The following TTC38 variants were observed in gnomAD, a reference collection of about 807,000 sequenced individuals.
TTC38 encodes the protein tetratricopeptide repeat protein 38.
A neutral mutation model predicts 64.2 loss-of-function variants in TTC38; 64 were observed. The observed-to-expected ratio is 1.00, with a 90% CI of 0.81 to 1.23. The LOEUF (loss-of-function observed/expected upper bound fraction) is 1.23, where lower values mean the gene tolerates loss of function less well. TTC38 is among the 50% of genes most tolerant of loss of function. The pLI, the probability that TTC38 is intolerant of heterozygous loss-of-function variation, is 0.00. For missense variants in TTC38, 573 were observed against 615.5 expected, an observed-to-expected ratio of 0.93 and a Z score of 0.73; for synonymous variants, 254 against 249.3, an observed-to-expected ratio of 1.02 and a Z score of -0.18.
Position 46,292,732 on chromosome 22 carries a change from C to T in TTC38, c.1317-59C>T, listed in dbSNP as rs952079236. 4 of 1,465,960 alleles carry T rather than the reference C, an allele frequency of 2.7e-6. No individual in the cohort carries two copies. Among genetic ancestry groups the T allele is most frequent in the African/African-American group, 2.8e-5 (2 of 72,030 alleles). 90.8% of individuals were successfully genotyped at this position (1,465,960 alleles called of 1,614,324 possible). A position where few individuals can be genotyped will look rare whatever the true frequency, so the allele number is the denominator to read the frequency against. On this transcript the variant is annotated intron_variant, in intron 13 of 13. Transcript: ENST00000381031. The surrounding 1 kb of genome is among the most constrained non-coding windows in gnomAD (Gnocchi z 6.5). ...GTTCTGCCTTGGGACCAAGGGACCA[C>T]CAGGCCCCACATCCCTCTAGAAGGT...
Position 46,282,879 on chromosome 22 carries a change from G to T in TTC38, c.736-1094G>T, listed in dbSNP as rs1220686972. On this transcript the variant is annotated intron_variant, in intron 7 of 13. Transcript: ENST00000381031. This position sits in a 1 kb window ranked among gnomAD's most constrained non-coding sequence, Gnocchi z 4.4. ...CCACTCCCCTGGCTCTCGGGGCTTT[G>T]CCAGCACCTGTTGGAGTGTGGCCCT... Among the ~76,000 whole-genome samples, 1 of 152,158 alleles carries T rather than the reference G, an allele frequency of 6.6e-6. No individual in the cohort carries two copies. The highest frequency in any genetic ancestry group is 1.5e-5 in the Non-Finnish European group (1 of 68,018).
chr22:46,291,028 G>A lies in TTC38; in HGVS notation c.1316+1129G>A, dbSNP rs761650533. Among the ~76,000 whole-genome samples, 1 of 152,188 alleles carries A rather than the reference G, an allele frequency of 6.6e-6. No homozygotes were observed. Among genetic ancestry groups the A allele is most frequent in the Non-Finnish European group, 1.5e-5 (1 of 68,032 alleles). ...TGGTGACAAGCCCAGTGGTTTAGGC[G>A]CAGGTGCACCAGCGCAGCTCCCTCC... On this transcript the variant is annotated intron_variant, in intron 13 of 13. Coordinates refer to ENST00000381031, the MANE Select transcript of TTC38 (RefSeq NM_017931.4). This position sits in a 1 kb window ranked among gnomAD's most constrained non-coding sequence, Gnocchi z 4.6.
rs932556887 is a variant in TTC38 at position 46,291,920 on chromosome 22, C to T, written c.1317-871C>T. Among the ~76,000 whole-genome samples, 1 of 152,146 alleles carries T rather than the reference C, an allele frequency of 6.6e-6. No homozygotes were observed. Among genetic ancestry groups the T allele is most frequent in the African/African-American group, 2.4e-5 (1 of 41,414 alleles). On this transcript the variant is annotated intron_variant, in intron 13 of 13. Transcript: ENST00000381031. The surrounding 1 kb of genome is among the most constrained non-coding windows in gnomAD (Gnocchi z 4.6). ...GCAGTGAGCCGAGATCGCGTCATTG[C>T]ACTCCAGCCTGAGTGACCGAGGGAG...
Position 46,288,484 on chromosome 22 carries a change from C to T in TTC38, c.978C>T (p.Asp326=), listed in dbSNP as rs2077587429. The change falls in exon 11 of 14, where the codon GAC becomes GAT. Residue 326 remains aspartate (D), a synonymous_variant. Transcript: ENST00000381031. ...VLPVARKHSR[D]HILLFNDAHF... is the part of the protein sequence containing the mutation. ...CTGTGGCCCGGAAGCACAGCCGAGACCACATCCTGCTGTTCAATGACGCAC... is the reference window on the plus strand; with the variant it reads ...CTGTGGCCCGGAAGCACAGCCGAGATCACATCCTGCTGTTCAATGACGCAC... The T allele has an allele frequency of 6.2e-7, 1 of 1,614,034 alleles. No homozygotes were observed. Among genetic ancestry groups the T allele is most frequent in the Non-Finnish European group, 8.5e-7 (1 of 1,179,920 alleles).
chr22:46,271,550 C>CAGTG lies in TTC38; in HGVS notation c.112-784_112-781dup, dbSNP rs937585533. On this transcript the variant is annotated intron_variant, in intron 2 of 13. Transcript: ENST00000381031. This position sits in a 1 kb window ranked among gnomAD's most constrained non-coding sequence, Gnocchi z 5.5. ...TTTCTCTGTCACCCAGGCTGGGGTG[C>CAGTG]AGTGGCACGATCTCAGCTCACTGCA... Among the ~76,000 whole-genome samples, 1 of 152,148 alleles carries CAGTG rather than the reference C, an allele frequency of 6.6e-6. No homozygotes were observed. The highest frequency in any genetic ancestry group is 2.4e-5 in the African/African-American group (1 of 41,434).
chr22:46,285,715 A>C (rs1323599332), intron 9 of TTC38, among the ~76,000 whole-genome samples: 1 of 151,850 alleles, frequency 6.6e-6, no homozygotes, highest in Non-Finnish European at 1.5e-5. Flanking sequence ...AAAATAACAT[A>C]AAATTACGTG....
chr22:46,269,123 A>T (rs1276747543), intron 2 of TTC38: 2 of 434,894 alleles, frequency 4.6e-6, no homozygotes, highest in Non-Finnish European at 9.4e-6. Flanking sequence ...GGGCCTCTGC[A>T]CTCTCCCTTC....
At chr22:46,283,486 C>CTT (rs1279723699) in intron 7 of TTC38, among the ~76,000 whole-genome samples, 1 of 152,142 alleles carries the variant, frequency 6.6e-6, no homozygotes, top group African/African-American at 2.4e-5. Context: ...TCTTCACCGC[C>CTT]CTTCGGAATG....
chr22:46,292,962 GGTCAGGAGACGGCCAGA>G lies in TTC38; in HGVS notation c.*80_*96del. The stretch of plus-strand genomic sequence containing the variant: ...CCAGTCAGCTGCTCCACCGGGTTAG[GGTCAGGAGACGGCCAGA>G]GCCTGTTTGTTAGGGCTGTTAGAGG... On this transcript the variant is annotated 3_prime_UTR_variant, in exon 14 of 14. Coordinates refer to ENST00000381031, the MANE Select transcript of TTC38 (RefSeq NM_017931.4). This position sits in a 1 kb window ranked among gnomAD's most constrained non-coding sequence, Gnocchi z 6.5. 1 of 1,192,030 alleles carries G rather than the reference GGTCAGGAGACGGCCAGA, an allele frequency of 8.4e-7. No individual in the cohort carries two copies. The highest frequency in any genetic ancestry group is 1.2e-6 in the Non-Finnish European group (1 of 805,664). The allele number at this position is 1,192,030 out of a possible 1,614,324, so 73.8% of individuals were successfully genotyped here.
At chr22:46,286,190 G>GA (rs201636422) in intron 9 of TTC38, among the ~76,000 whole-genome samples, 34 of 146,378 alleles carry the variant, frequency 2.3e-4, no homozygotes, top group East Asian at 7.9e-4. Context: ...TTGAGAGGGG[G>GA]AAAAAAAAAA....
At position 46,268,106 on chromosome 22, in the gene TTC38, C is replaced by T. The variant is rs1936801635; in HGVS notation, c.33+34C>T. 9 of 1,529,334 alleles carry T rather than the reference C, an allele frequency of 5.9e-6. No individual in the cohort carries two copies. In the East Asian group the frequency reaches 1.5e-4, roughly 26 times the overall value. The allele number at this position is 1,529,334 out of a possible 1,614,324, so 94.7% of individuals were successfully genotyped here. On this transcript the variant is annotated intron_variant, in intron 1 of 13. Coordinates refer to ENST00000381031, the MANE Select transcript of TTC38 (RefSeq NM_017931.4). ...AGGCTGCCCCCAACCAGGTCCCCCT[C>T]GGGCCCCGGGTCCTGGGGGTGGCCC...
rs907620718 is a variant in TTC38 at position 46,271,217 on chromosome 22, C to T, written c.112-1118C>T. The stretch of plus-strand genomic sequence containing the variant: ...GGAGCAGGTCACCTGTCAGGAGGAA[C>T]CTGCCTTTTCTTTCTTTTCTTTTTT... On this transcript the variant is annotated intron_variant, in intron 2 of 13. Transcript: ENST00000381031. The surrounding 1 kb of genome is among the most constrained non-coding windows in gnomAD (Gnocchi z 5.5). Among the ~76,000 whole-genome samples the T allele has an allele frequency of 6.6e-6, 1 of 152,088 alleles. No individual in the cohort carries two copies.
At chr22:46,268,751 T>G in intron 2 of TTC38, 160 bp downstream of exon 2, 1 of 650,706 alleles carries the variant, frequency 1.5e-6, no homozygotes, top group Non-Finnish European at 2.6e-6. Flanking sequence ...GTGGCGCTAT[T>G]TCGGCTCACT....
intron 6 of TTC38, among the ~76,000 whole-genome samples, chr22:46,278,929 G>A (rs1173162811): frequency 6.6e-6 from 1 of 152,234 alleles, no homozygotes; most frequent in Non-Finnish European, 1.5e-5. Flanking sequence ...TGGGGTACGG[G>A]GAGCCTGTGG....
chr22:46,275,135 A>T lies in TTC38; in HGVS notation c.366-113A>T, dbSNP rs1936979127. On this transcript the variant is annotated intron_variant, in intron 4 of 13. Coordinates refer to ENST00000381031, the MANE Select transcript of TTC38 (RefSeq NM_017931.4). This position sits in a 1 kb window ranked among gnomAD's most constrained non-coding sequence, Gnocchi z 4.5. ...CGCACCCAGTCAGAAACTGATTTTT[A>T]AAAAAACACATCCATGTAGACCATG... 5.5e-6 allele frequency: 6 copies of T among 1,090,244 alleles called. No homozygotes were observed. Among genetic ancestry groups the T allele is most frequent in the Admixed American group, 2.6e-5 (1 of 38,416 alleles). 67.5% of individuals were successfully genotyped at this position (1,090,244 alleles called of 1,614,324 possible).
chr22:46,281,790 T>A lies in TTC38; in HGVS notation c.735+72T>A, dbSNP rs1046180727. On this transcript the variant is annotated intron_variant, in intron 7 of 13. Coordinates refer to ENST00000381031, the MANE Select transcript of TTC38 (RefSeq NM_017931.4). This position sits in a 1 kb window ranked among gnomAD's most constrained non-coding sequence, Gnocchi z 5.2. ...CCCCTTGAGTCAGGCCAAGGCTTTA[T>A]GGACAAGAGTTACAGGGCATGGCTT... 5.6e-6 allele frequency: 9 copies of A among 1,595,848 alleles called. No homozygotes were observed. In the African/African-American group the frequency reaches 1.2e-4, roughly 21 times the overall value.
In TTC38 at chr22:46,281,533, G is replaced by A. The variant is rs537101021; in HGVS notation, c.616-66G>A. ...CCCTCTTGCCCCTTAGAGACCTGCC[G>A]TCGCCTGCCCCGGCAGCCTGACTGA... On this transcript the variant is annotated intron_variant, in intron 6 of 13. Coordinates refer to ENST00000381031, the MANE Select transcript of TTC38 (RefSeq NM_017931.4). This position sits in a 1 kb window ranked among gnomAD's most constrained non-coding sequence, Gnocchi z 5.2. The A allele has an allele frequency of 3.7e-4, 550 of 1,474,948 alleles. 2 individuals carry two copies. In the African/African-American group the frequency reaches 5.1e-3, roughly 14 times the overall value. 91.4% of individuals were successfully genotyped at this position (1,474,948 alleles called of 1,614,324 possible).
rs2077531343 is a variant in TTC38 at position 46,281,132 on chromosome 22, C to T, written c.616-467C>T. On this transcript the variant is annotated intron_variant, in intron 6 of 13. Transcript: ENST00000381031. This position sits in a 1 kb window ranked among gnomAD's most constrained non-coding sequence, Gnocchi z 5.2. ...ATATATGGTAGTGGGAAGAGGCAGT[C>T]ACAGCCACTGGAGGACTTGATAGTT... Among the ~76,000 whole-genome samples, 1 of 152,246 alleles carries T rather than the reference C, an allele frequency of 6.6e-6. No homozygotes were observed. The highest frequency in any genetic ancestry group is 1.5e-5 in the Non-Finnish European group (1 of 68,056).
At chr22:46,284,868 C>CAAAAAAA (rs130641) in intron 8 of TTC38, among the ~76,000 whole-genome samples, 82 of 75,238 alleles carry the variant, frequency 1.1e-3, no homozygotes, top group Non-Finnish European at 1.4e-3. Flanking sequence ...GACCCCATCT[C>CAAAAAAA]AAAAAAAAAA....
Sources: gnomAD v4.1 joint callset for allele counts (sites outside exome capture counted in the v4.1 genomes callset) on GRCh38, gnomAD v4.1.1 for gene constraint, Gnocchi (gnomAD v3.1) non-coding constraint, MANE v1.5 for transcripts, NCBI Gene and HGNC (gene_info 2026-07-23, HGNC 2026-07-21) for gene names.